The following SLC32A1 variants were observed in gnomAD, a reference collection of about 807,000 sequenced individuals.
SLC32A1 encodes the protein vesicular inhibitory amino acid transporter.
In SLC32A1, 8 loss-of-function variants were observed where a neutral mutation model predicts 35.5. That is an observed-to-expected ratio of 0.23 (90% confidence interval 0.13 to 0.41). The LOEUF (loss-of-function observed/expected upper bound fraction) is 0.41, where lower values mean the gene tolerates loss of function less well. Among genes scored for constraint, SLC32A1 ranks in the 10% least tolerant of loss-of-function variants. The probability of loss-of-function intolerance (pLI) is 1.00; values close to 1 mark genes in which losing one functional copy is unlikely to be tolerated. For missense variants in SLC32A1, 493 were observed against 722.3 expected (o/e 0.68, Z 3.64); for synonymous variants, 317 against 326.3 (o/e 0.97, Z 0.31).
At position 38,729,120 on chromosome 20, in the gene SLC32A1, G is replaced by A. The variant is rs1375164350; in HGVS notation, c.*481G>A. The A allele has an allele frequency of 6.4e-6, 1 of 155,228 alleles. No individual in the cohort carries two copies. Among genetic ancestry groups the A allele is most frequent in the East Asian group, 1.9e-4 (1 of 5,246 alleles). The allele number at this position is 155,228 out of a possible 1,614,324, so 9.6% of individuals were successfully genotyped here. ...AACCCTGCAGCGGGAAAGGCTGACT[G>A]GGAAATCCATTTTGGGTGGGCAATT... On this transcript the variant is annotated 3_prime_UTR_variant, in exon 2 of 2. Coordinates refer to ENST00000217420, the MANE Select transcript of SLC32A1 (RefSeq NM_080552.3).
chr20:38,725,370 C>G (rs893550679), intron 1 of SLC32A1, among the ~76,000 whole-genome samples: 1 of 152,152 alleles, frequency 6.6e-6, no homozygotes, highest in Non-Finnish European at 1.5e-5. Context: ...GACACCTGTC[C>G]GGAGACACTG....
At position 38,727,924 on chromosome 20, in the gene SLC32A1, G is replaced by C; in HGVS notation, c.863G>C (p.Arg288Pro). ...CTGGTCATAGCCTACTGTCTATCGCGGGCGCGCGACTGGGCCTGGGAGAAG... is the reference window on the plus strand; with the variant it reads ...CTGGTCATAGCCTACTGTCTATCGCCGGCGCGCGACTGGGCCTGGGAGAAG... Reference protein sequence around the residue: ...NILVIAYCLSRARDWAWEKVK... With the variant: ...NILVIAYCLSPARDWAWEKVK... Residue 288 changes from arginine (R) to proline (P), a missense_variant, in exon 2 of 2, where the codon CGG (arginine) becomes CCG (proline). Physicochemically the swap from Arg to Pro is moderately radical, Grantham distance 103. Transcript: ENST00000217420. 1 of 1,614,182 alleles carries C rather than the reference G, an allele frequency of 6.2e-7. No homozygotes were observed. Among genetic ancestry groups the C allele is most frequent in the Non-Finnish European group, 8.5e-7 (1 of 1,180,044 alleles).
Position 38,728,743 on chromosome 20 carries a change from G to T in SLC32A1, c.*104G>T. On this transcript the variant is annotated 3_prime_UTR_variant, in exon 2 of 2. Coordinates refer to ENST00000217420, the MANE Select transcript of SLC32A1 (RefSeq NM_080552.3). ...CCTGCCGCCGCGCTTGGGAGGCCAAGCTTTAAACATCTCTGGTTCCTAGTT... is the reference window on the plus strand; with the variant it reads ...CCTGCCGCCGCGCTTGGGAGGCCAATCTTTAAACATCTCTGGTTCCTAGTT... 1 of 863,362 alleles carries T rather than the reference G, an allele frequency of 1.2e-6. No homozygotes were observed. The allele number at this position is 863,362 out of a possible 1,614,324, so 53.5% of individuals were successfully genotyped here. A position where few individuals can be genotyped will look rare whatever the true frequency, so the allele number is the denominator to read the frequency against.
In SLC32A1 at chr20:38,725,125, G is replaced by A. The variant is rs1046028902; in HGVS notation, c.390+11G>A. On this transcript the variant is annotated intron_variant, in intron 1 of 1. Transcript: ENST00000217420. ...ACCAACGCCATCCAGGTAAGCGCGG[G>A]ATTCCCAGTTCTGCCTGTCCTCCCC... The A allele has an allele frequency of 1.9e-5, 28 of 1,507,972 alleles. No homozygotes were observed. Among genetic ancestry groups the A allele is most frequent in the Non-Finnish European group, 2.4e-5 (27 of 1,129,238 alleles). 93.4% of individuals were successfully genotyped at this position (1,507,972 alleles called of 1,614,324 possible).
rs1042931533 is a variant in SLC32A1, at chr20:38,729,007, G to C, written c.*368G>C. ...CTCGCAGGCGTGGCAACTTGACCTT[G>C]GGGGAATATTTCACATCCATCCAGA... On this transcript the variant is annotated 3_prime_UTR_variant, in exon 2 of 2. Coordinates refer to ENST00000217420, the MANE Select transcript of SLC32A1 (RefSeq NM_080552.3). 4.4e-6 allele frequency: 1 copy of C among 228,600 alleles called. No homozygotes were observed. The allele number at this position is 228,600 out of a possible 1,614,324, so 14.2% of individuals were successfully genotyped here.
intron 1 of SLC32A1, 24 bp downstream of exon 1, chr20:38,725,138 G>A: frequency 2.0e-6 from 3 of 1,505,902 alleles, no homozygotes; most frequent in Non-Finnish European, 2.7e-6. Flanking sequence ...TCCCAGTTCT[G>A]CCTGTCCTCC....
chr20:38,727,421 G>T (rs753430162), intron 1 of SLC32A1, 31 bp from the exon 2 acceptor site: 4 of 1,591,982 alleles, frequency 2.5e-6, no homozygotes, highest in Non-Finnish European at 3.4e-6. Flanking sequence ...TTCGCTGAGC[G>T]TCCGCGTCTG....
rs1601181795 is a variant in SLC32A1, at chr20:38,726,426, C to A, written c.391-1026C>A. Among the ~76,000 whole-genome samples, 1 of 152,160 alleles carries A rather than the reference C, an allele frequency of 6.6e-6. No individual in the cohort carries two copies. Among genetic ancestry groups the A allele is most frequent in the South Asian group, 2.1e-4 (1 of 4,822 alleles). ...GGGGCTGCTCCCGCCTTCGCTGTGC[C>A]CCGCGACTTCCCGGGGCGTCTTTCA... is the stretch of plus-strand genomic sequence containing the variant. On this transcript the variant is annotated intron_variant, in intron 1 of 1. Transcript: ENST00000217420. This position sits in a 1 kb window ranked among gnomAD's most constrained non-coding sequence, Gnocchi z 4.7.
chr20:38,726,006 G>A lies in SLC32A1; in HGVS notation c.390+892G>A, dbSNP rs1381323106. ...TGACCCTGGCGAAGCCCTCTCCAGA[G>A]GCTAAGAATGGCCCCTGCTCTCTAG... On this transcript the variant is annotated intron_variant, in intron 1 of 1. Transcript: ENST00000217420. This position sits in a 1 kb window ranked among gnomAD's most constrained non-coding sequence, Gnocchi z 4.7. 6.6e-6 allele frequency among the ~76,000 whole-genome samples: 1 copy of A among 152,188 alleles called. No homozygotes were observed. Among genetic ancestry groups the A allele is most frequent in the African/African-American group, 2.4e-5 (1 of 41,444 alleles).
chr20:38,727,593 G>C lies in SLC32A1; in HGVS notation c.532G>C (p.Glu178Gln), dbSNP rs2084281678. The change falls in exon 2 of 2, where the codon GAG becomes CAG. Residue 178 changes from glutamate to glutamine, a missense_variant. Coordinates refer to ENST00000217420, the MANE Select transcript of SLC32A1 (RefSeq NM_080552.3). The stretch of plus-strand genomic sequence containing the variant: ...CCTGTACGAGGAGAATGAAGACGGC[G>C]AGGTGGTGCGCGTGCGGGACTCGTA... ...ACLYEENEDG[E>Q]VVRVRDSYVA... 1 of 1,612,186 alleles carries C rather than the reference G, an allele frequency of 6.2e-7. No individual in the cohort carries two copies. The highest frequency in any genetic ancestry group is 8.5e-7 in the Non-Finnish European group (1 of 1,180,048).
Position 38,725,228 on chromosome 20 carries a change from A to G in SLC32A1, c.390+114A>G, listed in dbSNP as rs2145648253. 3 of 1,315,518 alleles carry G rather than the reference A, an allele frequency of 2.3e-6. No homozygotes were observed. In the South Asian group the frequency reaches 5.2e-5, roughly 23 times the overall value. 81.5% of individuals were successfully genotyped at this position (1,315,518 alleles called of 1,614,324 possible). On this transcript the variant is annotated intron_variant, in intron 1 of 1. Transcript: ENST00000217420. Reference sequence around the variant, plus strand: ...GGCCTGGAGACCCCCTCCTGTACCCAGGAATCTCCCTTTCTCCATCCCTCC... The same window carrying G: ...GGCCTGGAGACCCCCTCCTGTACCCGGGAATCTCCCTTTCTCCATCCCTCC...
Position 38,727,547 on chromosome 20 carries a change from C to T in SLC32A1, c.486C>T (p.Thr162=), listed in dbSNP as rs1394612411. The T allele has an allele frequency of 3.7e-6, 6 of 1,609,542 alleles. No homozygotes were observed. Among genetic ancestry groups the T allele is most frequent in the Non-Finnish European group, 4.2e-6 (5 of 1,180,032 alleles). The change falls in exon 2 of 2, where the codon ACC becomes ACT. Residue 162 remains threonine, a synonymous_variant. Transcript: ENST00000217420. The stretch of plus-strand genomic sequence containing the variant: ...TCGCCGCCGTTGTGTGCTGCTACAC[C>T]GGCAAGATCCTCATCGCGTGCCTGT... ...IIFAAVVCCY[T]GKILIACLYE...
chr20:38,724,536 A>G lies in SLC32A1; in HGVS notation c.-189A>G. ...CCGCCGCTCCGCCAGACCTGCTGCC[A>G]GCTTGCCCGGTCCAGCCCTGAGAGA... On this transcript the variant is annotated 5_prime_UTR_variant, in exon 1 of 2. Transcript: ENST00000217420. The G allele has an allele frequency of 7.1e-6, 5 of 701,362 alleles. No homozygotes were observed. Among genetic ancestry groups the G allele is most frequent in the Non-Finnish European group, 1.1e-5 (5 of 445,894 alleles). 43.4% of individuals were successfully genotyped at this position (701,362 alleles called of 1,614,324 possible). A position where few individuals can be genotyped will look rare whatever the true frequency, so the allele number is the denominator to read the frequency against.
Position 38,724,751 on chromosome 20 carries a change from G to A in SLC32A1, c.27G>A (p.Leu9=), listed in dbSNP as rs1439328915. The change falls in exon 1 of 2, where the codon CTG becomes CTA. Residue 9 remains leucine, a synonymous_variant. Transcript: ENST00000217420. MATLLRSK[L]SNVATSVSNK... The stretch of plus-strand genomic sequence containing the variant: ...TGGCCACCTTGCTCCGCAGCAAGCT[G>A]TCCAACGTGGCCACGTCCGTGTCCA... 1.2e-6 allele frequency: 2 copies of A among 1,612,830 alleles called. No homozygotes were observed. Among genetic ancestry groups the A allele is most frequent in the Admixed American group, 1.7e-5 (1 of 59,996 alleles).
In SLC32A1 at chr20:38,724,505, C is replaced by A; in HGVS notation, c.-220C>A. 1 of 585,854 alleles carries A rather than the reference C, an allele frequency of 1.7e-6. No individual in the cohort carries two copies. Among genetic ancestry groups the A allele is most frequent in the Non-Finnish European group, 2.8e-6 (1 of 353,674 alleles). The allele number at this position is 585,854 out of a possible 1,614,324, so 36.3% of individuals were successfully genotyped here. A position where few individuals can be genotyped will look rare whatever the true frequency, so the allele number is the denominator to read the frequency against. On this transcript the variant is annotated 5_prime_UTR_variant, in exon 1 of 2. Transcript: ENST00000217420. ...CTCCGCAGTGCACTAGCCACCACCGCCGCCGCCGCCGCTCCGCCAGACCTG... is the reference window on the plus strand; with the variant it reads ...CTCCGCAGTGCACTAGCCACCACCGACGCCGCCGCCGCTCCGCCAGACCTG...
rs2145648909 is a variant in SLC32A1, at chr20:38,726,315, C to G, written c.391-1137C>G. On this transcript the variant is annotated intron_variant, in intron 1 of 1. Coordinates refer to ENST00000217420, the MANE Select transcript of SLC32A1 (RefSeq NM_080552.3). The surrounding 1 kb of genome is among the most constrained non-coding windows in gnomAD (Gnocchi z 4.7). ...CCATGTATCGGGGTAAGCAGGACTC[C>G]ACCGGGCCCCGAACACCAGATGGCC... 6.6e-6 allele frequency among the ~76,000 whole-genome samples: 1 copy of G among 152,324 alleles called. No individual in the cohort carries two copies. The highest frequency in any genetic ancestry group is 6.5e-5 in the Admixed American group (1 of 15,312).
In SLC32A1 at chr20:38,728,915, A is replaced by C; in HGVS notation, c.*276A>C. 2.4e-6 allele frequency: 1 copy of C among 422,070 alleles called. No individual in the cohort carries two copies. The highest frequency in any genetic ancestry group is 4.2e-6 in the Non-Finnish European group (1 of 237,204). The allele number at this position is 422,070 out of a possible 1,614,324, so 26.1% of individuals were successfully genotyped here. ...TGCGGGCAGGGTTCTCTGTCCTTCC[A>C]AGTGGGGCCCCGACACTTTGGTTCC... On this transcript the variant is annotated 3_prime_UTR_variant, in exon 2 of 2. Transcript: ENST00000217420.
At position 38,726,242 on chromosome 20, in the gene SLC32A1, G is replaced by A. The variant is rs201549390; in HGVS notation, c.390+1128G>A. 7.2e-5 allele frequency among the ~76,000 whole-genome samples: 11 copies of A among 152,340 alleles called. No individual in the cohort carries two copies. In the East Asian group the frequency reaches 2.1e-3, roughly 29 times the overall value. ...GTCCCTGGAGCGCACTATCACTGGG[G>A]CCACGGAAGGCAGGTTTTCTGGGAG... On this transcript the variant is annotated intron_variant, in intron 1 of 1. Coordinates refer to ENST00000217420, the MANE Select transcript of SLC32A1 (RefSeq NM_080552.3). This position sits in a 1 kb window ranked among gnomAD's most constrained non-coding sequence, Gnocchi z 4.7.
At chr20:38,725,211 G>C (rs1231741995) in intron 1 of SLC32A1, 97 bp downstream of exon 1, 53 of 1,415,972 alleles carry the variant, frequency 3.7e-5, no homozygotes, top group Non-Finnish European at 5.0e-5. Flanking sequence ...TCGGCCTGGA[G>C]ACCCCCTCCT....
Sources: gnomAD v4.1 joint callset for allele counts (sites outside exome capture counted in the v4.1 genomes callset) on GRCh38, gnomAD v4.1.1 for gene constraint, Gnocchi (gnomAD v3.1) non-coding constraint, MANE v1.5 for transcripts, NCBI Gene and HGNC (gene_info 2026-07-23, HGNC 2026-07-21) for gene names.